The following PRDM16 variants were observed in gnomAD, a reference collection of about 807,000 sequenced individuals.
PRDM16 encodes the protein PR/SET domain 16, also known as histone-lysine N-methyltransferase PRDM16.
A neutral mutation model predicts 110.6 loss-of-function variants in PRDM16; 23 were observed. That is an observed-to-expected ratio of 0.21 (90% CI 0.15 to 0.29). The LOEUF (loss-of-function observed/expected upper bound fraction) is 0.29. Among genes scored for constraint, PRDM16 ranks in the 10% least tolerant of loss-of-function variants. PRDM16 has a pLI of 1.00. For missense variants in PRDM16, 1,615 were observed against 1,794.3 expected, an observed-to-expected ratio of 0.90 and a Z score of 1.81; for synonymous variants, 799 against 781.8, an observed-to-expected ratio of 1.02 and a Z score of -0.37.
chr1:3,255,974 C>T lies in PRDM16; in HGVS notation c.438+11837C>T, dbSNP rs548174155. Among the ~76,000 whole-genome samples the T allele has an allele frequency of 2.0e-5, 3 of 152,188 alleles. No individual in the cohort carries two copies. The highest frequency in any genetic ancestry group is 6.5e-5 in the Admixed American group (1 of 15,292). ...ACAGGGTGGAACGAGCTCCGCCTCT[C>T]AGGGGAGGGACAGGATTACGTGGCA... On this transcript the variant is annotated intron_variant, in intron 3 of 16. Coordinates refer to ENST00000270722, the MANE Select transcript of PRDM16 (RefSeq NM_022114.4). The surrounding 1 kb of genome is among the most constrained non-coding windows in gnomAD (Gnocchi z 4.7).
chr1:3,114,234 C>T (rs868452903), intron 1 of PRDM16, among the ~76,000 whole-genome samples: 4 of 138,680 alleles, frequency 2.9e-5, no homozygotes, highest in South Asian at 2.3e-4. Context: ...CACGCACACA[C>T]GCAGTGTAAA....
In PRDM16 at chr1:3,080,352, G is replaced by A. The variant is rs571758123; in HGVS notation, c.37+11056G>A. Among the ~76,000 whole-genome samples, 1 of 152,308 alleles carries A rather than the reference G, an allele frequency of 6.6e-6. No individual in the cohort carries two copies. Among genetic ancestry groups the A allele is most frequent in the Non-Finnish European group, 1.5e-5 (1 of 68,032 alleles). ...GAGTGACTGACAGAATACAAATGGT[G>A]CCACGAAGCACCGGGGATTTACGGC... On this transcript the variant is annotated intron_variant, in intron 1 of 16. Coordinates refer to ENST00000270722, the MANE Select transcript of PRDM16 (RefSeq NM_022114.4). The surrounding 1 kb of genome is among the most constrained non-coding windows in gnomAD (Gnocchi z 5.2).
At chr1:3,249,689 A>G (rs1048670808) in intron 3 of PRDM16, among the ~76,000 whole-genome samples, 1 of 152,248 alleles carries the variant, frequency 6.6e-6, no homozygotes, top group African/African-American at 2.4e-5. Flanking sequence ...GTTGATTTTG[A>G]TAATCTCAGC....
At chr1:3,233,913 GA>G in intron 2 of PRDM16, among the ~76,000 whole-genome samples, 1 of 152,088 alleles carries the variant, frequency 6.6e-6, no homozygotes, top group South Asian at 2.1e-4. Context: ...AAGGTGGGGG[GA>G]AATTCTATGA....
intron 2 of PRDM16, among the ~76,000 whole-genome samples, chr1:3,202,005 G>A (rs1638640802): frequency 6.6e-6 from 1 of 152,182 alleles, no homozygotes; most frequent in South Asian, 2.1e-4. Flanking sequence ...ATGAGGCAGG[G>A]GACGCCCTCA....
chr1:3,387,572 G>A (rs567318609), intron 4 of PRDM16, among the ~76,000 whole-genome samples: 1 of 152,164 alleles, frequency 6.6e-6, no homozygotes, highest in African/African-American at 2.4e-5. Context: ...GACGTCGGGT[G>A]TTACAGGGCC....
At chr1:3,170,779 C>T (rs1378642865) in intron 1 of PRDM16, among the ~76,000 whole-genome samples, 1 of 152,070 alleles carries the variant, frequency 6.6e-6, no homozygotes, top group East Asian at 1.9e-4. Flanking sequence ...GCTGGAGGCA[C>T]ACGGACATGG....
At chr1:3,391,707 C>T (rs1643303304) in intron 4 of PRDM16, among the ~76,000 whole-genome samples, 1 of 152,250 alleles carries the variant, frequency 6.6e-6, no homozygotes, top group African/African-American at 2.4e-5. Flanking sequence ...CCCGGGACTC[C>T]AGCGGGCTTT....
chr1:3,129,063 G>T (rs1643274998), intron 1 of PRDM16, among the ~76,000 whole-genome samples: 1 of 151,938 alleles, frequency 6.6e-6, no homozygotes, highest in Non-Finnish European at 1.5e-5. Context: ...TGTGTGTGGG[G>T]GGTTGCGTGT....
At chr1:3,239,303 G>A (rs570059383) in intron 2 of PRDM16, among the ~76,000 whole-genome samples, 3 of 152,162 alleles carry the variant, frequency 2.0e-5, no homozygotes, top group Non-Finnish European at 2.9e-5. Flanking sequence ...GTTTAGTTGG[G>A]TGTAAAACCC....
intron 3 of PRDM16, among the ~76,000 whole-genome samples, chr1:3,285,883 A>G (rs143309306): frequency 6.6e-6 from 1 of 152,222 alleles, no homozygotes; most frequent in South Asian, 2.1e-4. Flanking sequence ...ATCTCTGCCG[A>G]GCGTGGAGCC....
chr1:3,307,648 A>G (rs1014946478), intron 3 of PRDM16: 2 of 151,992 alleles, frequency 1.3e-5, no homozygotes, highest in African/African-American at 4.8e-5. Context: ...TGCTTCCACG[A>G]TATTTGTGTC....
chr1:3,132,768 G>A (rs1407616012), intron 1 of PRDM16, among the ~76,000 whole-genome samples: 1 of 152,190 alleles, frequency 6.6e-6, no homozygotes, highest in Non-Finnish European at 1.5e-5. Flanking sequence ...TGGTTCAGCA[G>A]TTTTTGAACA....
chr1:3,267,281 G>A (rs527868403), intron 3 of PRDM16, among the ~76,000 whole-genome samples: 1 of 152,250 alleles, frequency 6.6e-6, no homozygotes, highest in South Asian at 2.1e-4. Context: ...TGGCTCTTAT[G>A]GCTAAAATGT....
At chr1:3,125,971 A>G (rs1643196295) in intron 1 of PRDM16, among the ~76,000 whole-genome samples, 1 of 152,196 alleles carries the variant, frequency 6.6e-6, no homozygotes, top group South Asian at 2.1e-4. Context: ...TAGCAAGAGG[A>G]ATTAGCGTTT....
chr1:3,212,820 G>GC (rs1428414225), intron 2 of PRDM16, among the ~76,000 whole-genome samples: 7 of 152,196 alleles, frequency 4.6e-5, no homozygotes, highest in Non-Finnish European at 1.0e-4. Context: ...CCTGACCCCA[G>GC]CTCTGCCCTC....
At chr1:3,164,971 G>T (rs1643934284) in intron 1 of PRDM16, among the ~76,000 whole-genome samples, 1 of 152,256 alleles carries the variant, frequency 6.6e-6, no homozygotes, top group Non-Finnish European at 1.5e-5. Context: ...CAGGCCTCCT[G>T]CCACCCTGGG....
intron 2 of PRDM16, among the ~76,000 whole-genome samples, chr1:3,231,976 A>G (rs191274800): frequency 6.6e-6 from 1 of 152,332 alleles, no homozygotes; most frequent in East Asian, 1.9e-4. Flanking sequence ...TCCTCGCTGC[A>G]GCTGTTCCTG....
At chr1:3,104,161 T>C (rs1642594121) in intron 1 of PRDM16, among the ~76,000 whole-genome samples, 1 of 152,226 alleles carries the variant, frequency 6.6e-6, no homozygotes, top group East Asian at 1.9e-4. Flanking sequence ...GAGAACAGCA[T>C]GGCTCAGGAG....
Sources: gnomAD v4.1 joint callset for allele counts (sites outside exome capture counted in the v4.1 genomes callset) on GRCh38, gnomAD v4.1.1 for gene constraint, Gnocchi (gnomAD v3.1) non-coding constraint, MANE v1.5 for transcripts, NCBI Gene and HGNC (gene_info 2026-07-23, HGNC 2026-07-21) for gene names.